Variants in ARRB1 observed in about 807,000 individuals in gnomAD.
The protein encoded by ARRB1 is beta-arrestin-1.
In ARRB1, 21 loss-of-function variants were observed where a neutral mutation model predicts 56.8. That is an observed-to-expected ratio of 0.37 (90% CI 0.26 to 0.53). The LOEUF is 0.53. Ranked by LOEUF, ARRB1 falls within the 20% of genes least tolerant of loss-of-function variation. ARRB1 has a pLI of 0.88. For synonymous variants in ARRB1, 210 were observed against 218.6 expected, an observed-to-expected ratio of 0.96 and a Z score of 0.35; for missense variants, 424 against 553.7, an observed-to-expected ratio of 0.77 and a Z score of 2.35.
At chr11:75,275,869 G>T (rs1253406575) in intron 10 of ARRB1, among the ~76,000 whole-genome samples, 24 of 152,192 alleles carry the variant, frequency 1.6e-4, no homozygotes. Context: ...GCAGACGCTG[G>T]CACCATCTGC....
chr11:75,347,224 G>T (rs1054670104), intron 1 of ARRB1, among the ~76,000 whole-genome samples: 1 of 152,230 alleles, frequency 6.6e-6, no homozygotes, highest in Non-Finnish European at 1.5e-5. Context: ...TGGAATCAGG[G>T]ATCAGAGACA....
chr11:75,316,752 T>TA (rs1265759105), intron 1 of ARRB1, among the ~76,000 whole-genome samples: 1 of 151,910 alleles, frequency 6.6e-6, no homozygotes, highest in Non-Finnish European at 1.5e-5. Context: ...CTTATCTCTT[T>TA]AAAAAAATTT....
At chr11:75,266,740 G>A (rs369392726) in intron 15 of ARRB1, among the ~76,000 whole-genome samples, 65 of 152,210 alleles carry the variant, frequency 4.3e-4, no homozygotes, top group East Asian at 2.1e-3. Context: ...AAGCATTCCC[G>A]TTTCTGGACA....
chr11:75,335,409 A>G (rs777218386), intron 1 of ARRB1, among the ~76,000 whole-genome samples: 4 of 152,132 alleles, frequency 2.6e-5, no homozygotes, highest in Non-Finnish European at 5.9e-5. Context: ...ATGTAGCAAA[A>G]CCACATCTGT....
chr11:75,307,013 T>C (rs1006010940), intron 1 of ARRB1, among the ~76,000 whole-genome samples: 1 of 152,152 alleles, frequency 6.6e-6, no homozygotes, highest in Non-Finnish European at 1.5e-5. Flanking sequence ...TGGGTACTTG[T>C]CACAGCCAGG....
At chr11:75,318,047 C>A (rs1028717786) in intron 1 of ARRB1, among the ~76,000 whole-genome samples, 6 of 151,048 alleles carry the variant, frequency 4.0e-5, no homozygotes, top group African/African-American at 1.5e-4. Context: ...GCTGGGGTCA[C>A]AATCACTGGA....
intron 1 of ARRB1, 44 bp downstream of exon 1, chr11:75,351,544 G>A (rs1425958905): frequency 6.7e-7 from 1 of 1,498,438 alleles, no homozygotes; most frequent in East Asian, 2.8e-5. Flanking sequence ...CCTCGCCGAG[G>A]TCGCCCCCAC....
At chr11:75,287,730 A>G (rs2140434868) in intron 2 of ARRB1, among the ~76,000 whole-genome samples, 1 of 152,354 alleles carries the variant, frequency 6.6e-6, no homozygotes, top group Non-Finnish European at 1.5e-5. Context: ...TCAGAGGGTG[A>G]GAGCCCCCAG....
intron 1 of ARRB1, among the ~76,000 whole-genome samples, chr11:75,297,562 T>C (rs1946782990): frequency 6.6e-6 from 1 of 151,334 alleles, no homozygotes; most frequent in Non-Finnish European, 1.5e-5. Flanking sequence ...TCACATCACG[T>C]ACAAAAATTA....
At chr11:75,267,525 T>C (rs1945952592) in intron 15 of ARRB1, 127 bp downstream of exon 15, 1 of 913,816 alleles carries the variant, frequency 1.1e-6, no homozygotes, top group African/African-American at 1.6e-5. Context: ...CGAGCAGAGG[T>C]GGCTCTCAGC....
At chr11:75,295,221 C>CAAAAAA (rs34666904) in intron 1 of ARRB1, among the ~76,000 whole-genome samples, 1 of 73,056 alleles carries the variant, frequency 1.4e-5, no homozygotes, top group Non-Finnish European at 2.5e-5. Flanking sequence ...AACCCTGTCT[C>CAAAAAA]AAAAAAAAAA....
rs1054612114 is a variant in ARRB1, at chr11:75,263,390, C to A, written c.*2773G>T. On this transcript the variant is annotated 3_prime_UTR_variant, in exon 16 of 16. Coordinates refer to ENST00000420843, the MANE Select transcript of ARRB1 (RefSeq NM_004041.5). ...CTCGAGGCTGCAGCGTATGGCCGTG[C>A]AGCAGGGCACCTCTGGCCAAGGGGC... Among the ~76,000 whole-genome samples, 10 of 152,214 alleles carry A rather than the reference C, an allele frequency of 6.6e-5. No homozygotes were observed. The highest frequency in any genetic ancestry group is 2.0e-4 in the Admixed American group (3 of 15,284).
intron 1 of ARRB1, among the ~76,000 whole-genome samples, chr11:75,333,797 C>G (rs937084153): frequency 6.6e-6 from 1 of 152,214 alleles, no homozygotes. Context: ...AAGCCCTCCC[C>G]ACAGCCACCT....
chr11:75,302,338 G>C (rs1199649172), intron 1 of ARRB1, among the ~76,000 whole-genome samples: 3 of 152,250 alleles, frequency 2.0e-5, no homozygotes, highest in Non-Finnish European at 4.4e-5. Flanking sequence ...AAAATTCTCA[G>C]GTGGTGCAGA....
chr11:75,327,589 TTTTG>T (rs1389926174), intron 1 of ARRB1, among the ~76,000 whole-genome samples: 1 of 92,042 alleles, frequency 1.1e-5, no homozygotes, highest in Non-Finnish European at 2.3e-5. Context: ...TTGTTTTGTT[TTTTG>T]TTTTTGTTTT....
At chr11:75,281,885 C>A in intron 6 of ARRB1, 77 bp downstream of exon 6, 1 of 1,468,006 alleles carries the variant, frequency 6.8e-7, no homozygotes, top group Non-Finnish European at 9.5e-7. Flanking sequence ...TGTCCAGCAC[C>A]TCCCAGGGAG....
chr11:75,282,497 C>T (rs538243285), intron 5 of ARRB1, among the ~76,000 whole-genome samples: 4 of 152,274 alleles, frequency 2.6e-5, no homozygotes, highest in Non-Finnish European at 4.4e-5. Flanking sequence ...AAAGACTCAA[C>T]GGCCACTGCT....
intron 1 of ARRB1, among the ~76,000 whole-genome samples, chr11:75,340,127 C>T (rs1371675236): frequency 6.6e-6 from 1 of 152,218 alleles, no homozygotes; most frequent in Non-Finnish European, 1.5e-5. Context: ...TTGAATGGAA[C>T]AAACTGTAAA....
chr11:75,268,504 C>CA (rs1945992364), intron 14 of ARRB1, among the ~76,000 whole-genome samples: 1 of 30,938 alleles, frequency 3.2e-5, no homozygotes. Flanking sequence ...GACTGTGTCT[C>CA]AAAACCAAAA....
Sources: allele counts gnomAD v4.1 joint callset (sites outside exome capture counted in the v4.1 genomes callset), GRCh38; gene constraint gnomAD v4.1.1; transcripts MANE v1.5; gene names NCBI Gene and HGNC (gene_info 2026-07-23, HGNC 2026-07-21).